Variants in MAPK4 observed in about 807,000 individuals in gnomAD.
The protein encoded by MAPK4 is mitogen-activated protein kinase 4.
Under a neutral mutation model 47.7 loss-of-function variants are expected in MAPK4, and 22 were observed. That is an observed-to-expected ratio of 0.46 (90% CI 0.33 to 0.66). The LOEUF is 0.66. Ranked by LOEUF, MAPK4 falls within the 30% of genes least tolerant of loss-of-function variation. The probability of loss-of-function intolerance (pLI) is 0.02; values close to 1 mark genes in which losing one functional copy is unlikely to be tolerated. For missense variants in MAPK4, 736 were observed against 831.7 expected, an observed-to-expected ratio of 0.88 and a Z score of 1.42; for synonymous variants, 390 against 365.7, an observed-to-expected ratio of 1.07 and a Z score of -0.76.
chr18:50,628,783 TG>T (rs1293941673), intron 1 of MAPK4, among the ~76,000 whole-genome samples: 5 of 152,188 alleles, frequency 3.3e-5, no homozygotes, highest in Admixed American at 2.0e-4. Flanking sequence ...GCCAGGCATT[TG>T]TCTATCACAA....
chr18:50,628,080 C>A (rs2042797074), intron 1 of MAPK4, among the ~76,000 whole-genome samples: 1 of 152,150 alleles, frequency 6.6e-6, no homozygotes, highest in Non-Finnish European at 1.5e-5. Flanking sequence ...GGTTCCCGGG[C>A]AGTAGGGGCT....
At chr18:50,725,871 A>T (rs1195446938) in intron 4 of MAPK4, 91 bp from the exon 5 acceptor site, 2 of 1,039,202 alleles carry the variant, frequency 1.9e-6, no homozygotes, top group Non-Finnish European at 3.0e-6. Flanking sequence ...AAGCACAGAC[A>T]CCAGCACAGA....
chr18:50,704,744 A>G (rs1018105701), intron 2 of MAPK4: 20 of 398,498 alleles, frequency 5.0e-5, no homozygotes, highest in Non-Finnish European at 8.8e-5. Context: ...ATGTTGGACT[A>G]TGTTGTGTCG....
chr18:50,560,742 G>A (rs1266330909), intron 1 of MAPK4: 1 of 152,402 alleles, frequency 6.6e-6, no homozygotes, highest in African/African-American at 2.4e-5. Flanking sequence ...CCACCCGACA[G>A]AGGCGCCTAC....
At chr18:50,618,286 C>T (rs1020672514) in intron 1 of MAPK4, among the ~76,000 whole-genome samples, 5 of 152,120 alleles carry the variant, frequency 3.3e-5, no homozygotes, top group African/African-American at 9.7e-5. Flanking sequence ...TTGTTGAAAG[C>T]GTGCTTGTTA....
At chr18:50,705,109 G>A (rs1046013102) in intron 2 of MAPK4, 18 of 236,848 alleles carry the variant, frequency 7.6e-5, no homozygotes, top group Non-Finnish European at 1.3e-4. Context: ...ACACGGCAGA[G>A]GGCTAGGCTT....
At chr18:50,691,562 C>T (rs1322579338) in intron 2 of MAPK4, among the ~76,000 whole-genome samples, 12 of 152,222 alleles carry the variant, frequency 7.9e-5, no homozygotes, top group Admixed American at 7.8e-4. Context: ...TGTATACCTA[C>T]TCTGTGTCGA....
chr18:50,589,477 T>A (rs1458578066), intron 1 of MAPK4, among the ~76,000 whole-genome samples: 1 of 151,672 alleles, frequency 6.6e-6, no homozygotes, highest in Non-Finnish European at 1.5e-5. Flanking sequence ...GCGCCTGTAG[T>A]CCCAGCTACT....
At chr18:50,697,930 C>T (rs754120316) in intron 2 of MAPK4, among the ~76,000 whole-genome samples, 13 of 152,122 alleles carry the variant, frequency 8.5e-5, no homozygotes, top group Non-Finnish European at 1.6e-4. Context: ...TAGGGGAGTT[C>T]GCTCTTATTC....
At chr18:50,622,597 C>T (rs992814811) in intron 1 of MAPK4, among the ~76,000 whole-genome samples, 7 of 152,192 alleles carry the variant, frequency 4.6e-5, no homozygotes, top group African/African-American at 1.4e-4. Context: ...AGGATTTGGG[C>T]CTCATGTACT....
At chr18:50,695,619 A>T (rs1003249676) in intron 2 of MAPK4, among the ~76,000 whole-genome samples, 2 of 152,214 alleles carry the variant, frequency 1.3e-5, no homozygotes, top group African/African-American at 4.8e-5. Flanking sequence ...ATGACAAGAC[A>T]GAAGGTGGCG....
At chr18:50,576,251 T>A (rs963537423) in intron 1 of MAPK4, among the ~76,000 whole-genome samples, 4 of 152,166 alleles carry the variant, frequency 2.6e-5, no homozygotes, top group African/African-American at 9.7e-5. Flanking sequence ...TAAATGCCCA[T>A]TAACAATGGG....
rs1010635629 is a variant in MAPK4, at chr18:50,730,698, C to G, written c.*844C>G. On this transcript the variant is annotated 3_prime_UTR_variant, in exon 6 of 6. Coordinates refer to ENST00000400384, the MANE Select transcript of MAPK4 (RefSeq NM_002747.4). ...GCACTCCCTATGCACTTTCCTGACA[C>G]GCAAAGACACAGCCCTCTTTCCCCA... is the stretch of plus-strand genomic sequence containing the variant. The G allele has an allele frequency of 6.6e-6, 1 of 152,432 alleles. No homozygotes were observed. The highest frequency in any genetic ancestry group is 1.5e-5 in the Non-Finnish European group (1 of 68,032). 9.4% of individuals were successfully genotyped at this position (152,432 alleles called of 1,614,324 possible). A position where few individuals can be genotyped will look rare whatever the true frequency, so the allele number is the denominator to read the frequency against.
At position 50,605,541 on chromosome 18, in the gene MAPK4, C is replaced by T. The variant is rs78795341; in HGVS notation, c.-871+45298C>T. On this transcript the variant is annotated intron_variant, in intron 1 of 5. Coordinates refer to ENST00000400384, the MANE Select transcript of MAPK4 (RefSeq NM_002747.4). ...CTCTTTATGCCCCTGCTCCTATGGC[C>T]AGCGTGTTTGTCCTCAAAAGTTTTT... Among the ~76,000 whole-genome samples, 1,380 of 152,300 alleles carry T rather than the reference C, an allele frequency of 9.1e-3. 20 individuals carry two copies. The highest frequency in any genetic ancestry group is 0.031 in the African/African-American group (1,282 of 41,544).
chr18:50,566,043 A>G (rs1461095036), intron 1 of MAPK4, among the ~76,000 whole-genome samples: 1 of 152,242 alleles, frequency 6.6e-6, no homozygotes, highest in East Asian at 1.9e-4. Context: ...TCAGTGAGGA[A>G]GACAGTGTTC....
At chr18:50,590,275 T>TAA (rs201238453) in intron 1 of MAPK4, among the ~76,000 whole-genome samples, 3 of 152,036 alleles carry the variant, frequency 2.0e-5, no homozygotes, top group Non-Finnish European at 4.4e-5. Flanking sequence ...ACATATTTTT[T>TAA]AATTGAATTT....
chr18:50,672,255 A>C (rs1009933295), intron 2 of MAPK4, among the ~76,000 whole-genome samples: 5 of 152,190 alleles, frequency 3.3e-5, no homozygotes, highest in African/African-American at 1.2e-4. Flanking sequence ...GCTGGATTTC[A>C]TGGGAAAATG....
intron 2 of MAPK4, among the ~76,000 whole-genome samples, chr18:50,696,262 G>A (rs1205728005): frequency 6.6e-6 from 1 of 152,182 alleles, no homozygotes; most frequent in African/African-American, 2.4e-5. Flanking sequence ...ACTCATTGTG[G>A]GAAGAAAACT....
chr18:50,658,690 AG>A (rs2043137425), intron 1 of MAPK4, among the ~76,000 whole-genome samples: 1 of 152,368 alleles, frequency 6.6e-6, no homozygotes, highest in African/African-American at 2.4e-5. Flanking sequence ...ACTTTAGGCC[AG>A]ATTAGGTAGC....
Sources: gnomAD v4.1 joint callset for allele counts (sites outside exome capture counted in the v4.1 genomes callset) on GRCh38, gnomAD v4.1.1 for gene constraint, MANE v1.5 for transcripts, NCBI Gene and HGNC (gene_info 2026-07-23, HGNC 2026-07-21) for gene names.